FBRSL1: variants seen among roughly 807,000 people sequenced by gnomAD.
FBRSL1 encodes fibrosin-1-like protein.
FBRSL1 carries 51 observed loss-of-function variants against 89.6 expected under a neutral mutation model. The ratio of observed to expected loss-of-function variants is 0.57; its 90% confidence interval spans 0.45 to 0.72. The LOEUF is 0.72. FBRSL1 is among the 30% of genes least tolerant of loss of function. FBRSL1 has a pLI of 0.00. For synonymous variants in FBRSL1, 779 were observed against 681.1 expected (o/e 1.14, Z -2.24); for missense variants, 1,618 against 1,451.8 (o/e 1.11, Z -1.86).
chr12:132,572,616 G>T lies in FBRSL1; in HGVS notation c.1524G>T (p.Gln508His). Residue 508 changes from glutamine to histidine, a missense_variant, in exon 11 of 19, where the codon CAG becomes CAT. By Grantham distance (24) the Gln-to-His change is conservative. Transcript: ENST00000680143. ...GPFGSLQGAF[Q>H]PKTSSPIEVA... ...TCGGGTCCCTGCAGGGCGCTTTTCAGCCTAAGGTACCGCTGCCCCTGGCAG... is the reference window on the plus strand; with the variant it reads ...TCGGGTCCCTGCAGGGCGCTTTTCATCCTAAGGTACCGCTGCCCCTGGCAG... 6.5e-7 allele frequency: 1 copy of T among 1,549,830 alleles called. No homozygotes were observed. Among genetic ancestry groups the T allele is most frequent in the Non-Finnish European group, 8.7e-7 (1 of 1,146,380 alleles).
At chr12:132,556,505 CCT>C (rs1311836067) in intron 5 of FBRSL1, among the ~76,000 whole-genome samples, 1 of 125,274 alleles carries the variant, frequency 8.0e-6, no homozygotes, top group East Asian at 2.1e-4. Flanking sequence ...CACCCCAACC[CCT>C]GTCCTGTGGG....
chr12:132,570,132 C>A lies in FBRSL1; in HGVS notation c.898C>A (p.Gln300Lys), dbSNP rs1375689970. Reference sequence around the variant, plus strand: ...CCCCGCCCCGCACCGCCACACCCCGCAGCCGCCACCCCCGCAGCCCCGCGG... The same window carrying A: ...CCCCGCCCCGCACCGCCACACCCCGAAGCCGCCACCCCCGCAGCCCCGCGG... ...EPPAPHRHTPQPPPPQPRGLL... is the reference protein window; with the variant it reads ...EPPAPHRHTPKPPPPQPRGLL... Residue 300 changes from glutamine to lysine, a missense_variant, in exon 7 of 19, where the codon CAG becomes AAG. By Grantham distance (53) the Gln-to-Lys change is moderately conservative. Transcript: ENST00000680143. The A allele has an allele frequency of 2.0e-6, 3 of 1,477,772 alleles. No individual in the cohort carries two copies. The African/African-American group carries it at 4.4e-5, about 22-fold the overall frequency. The allele number at this position is 1,477,772 out of a possible 1,614,324, so 91.5% of individuals were successfully genotyped here. A position where few individuals can be genotyped will look rare whatever the true frequency, so the allele number is the denominator to read the frequency against.
At chr12:132,528,433 C>T (rs1052054719) in intron 4 of FBRSL1, among the ~76,000 whole-genome samples, 1 of 152,168 alleles carries the variant, frequency 6.6e-6, no homozygotes, top group African/African-American at 2.4e-5. Flanking sequence ...CCTCCAATGC[C>T]CTGACCGGCA....
intron 4 of FBRSL1, among the ~76,000 whole-genome samples, chr12:132,545,044 G>C (rs2037570261): frequency 1.3e-5 from 2 of 152,164 alleles, no homozygotes; most frequent in Admixed American, 6.6e-5. Context: ...CTGAGACACA[G>C]AGAGCTCAGG....
At chr12:132,580,373 C>G (rs781727103) in intron 15 of FBRSL1, among the ~76,000 whole-genome samples, 5 of 152,238 alleles carry the variant, frequency 3.3e-5, no homozygotes, top group Non-Finnish European at 7.3e-5. Flanking sequence ...CAGGCGTGAG[C>G]CACTGCGCCC....
intron 2 of FBRSL1, chr12:132,511,763 C>T (rs567249729): frequency 4.1e-6 from 4 of 985,346 alleles, no homozygotes; most frequent in South Asian, 9.4e-5. Flanking sequence ...GAGGACCCCA[C>T]CCCCGCAGGC....
chr12:132,576,955 G>A lies in FBRSL1; in HGVS notation c.1834+24G>A, dbSNP rs1384394610. 15 of 1,540,072 alleles carry A rather than the reference G, an allele frequency of 9.7e-6. No individual in the cohort carries two copies. The East Asian group carries it at 9.9e-5, about 10-fold the overall frequency. On this transcript the variant is annotated intron_variant, in intron 15 of 18. Transcript: ENST00000680143. ...AGGTGAGACTGGAGTCGGGCCAGGT[G>A]GGGGGCACAGAAACCTCCCGCTCGT...
At chr12:132,542,585 A>T (rs1026965412) in intron 4 of FBRSL1, among the ~76,000 whole-genome samples, 1 of 152,162 alleles carries the variant, frequency 6.6e-6, no homozygotes, top group Non-Finnish European at 1.5e-5. Flanking sequence ...CACTGGGCCC[A>T]GACAGCTCTC....
intron 2 of FBRSL1, among the ~76,000 whole-genome samples, chr12:132,518,209 T>C: frequency 6.6e-6 from 1 of 152,192 alleles, no homozygotes; most frequent in East Asian, 1.9e-4. Context: ...TCATCTGTAG[T>C]GTATCTCATC....
rs1252428567 is a variant in FBRSL1 at position 132,583,848 on chromosome 12, C to G, written c.*70C>G. ...CGTCTCTCCATCAGTTCCTAGAACTCAAGCACAGCTCCCGCCGATCCTGGG... is the reference window on the plus strand; with the variant it reads ...CGTCTCTCCATCAGTTCCTAGAACTGAAGCACAGCTCCCGCCGATCCTGGG... On this transcript the variant is annotated 3_prime_UTR_variant, in exon 19 of 19. Coordinates refer to ENST00000680143, the MANE Select transcript of FBRSL1 (RefSeq NM_001367871.1). 2 of 941,128 alleles carry G rather than the reference C, an allele frequency of 2.1e-6. No homozygotes were observed. The highest frequency in any genetic ancestry group is 1.7e-5 in the African/African-American group (1 of 57,192). The allele number at this position is 941,128 out of a possible 1,614,324, so 58.3% of individuals were successfully genotyped here.
chr12:132,561,981 C>T (rs1037442492), intron 5 of FBRSL1, among the ~76,000 whole-genome samples: 13 of 152,088 alleles, frequency 8.5e-5, no homozygotes, highest in Admixed American at 5.2e-4. Flanking sequence ...AAGGAGGTGC[C>T]GAGGCCTTTC....
chr12:132,537,947 G>A (rs773056519), intron 4 of FBRSL1, among the ~76,000 whole-genome samples: 8 of 152,208 alleles, frequency 5.3e-5, no homozygotes, highest in Non-Finnish European at 8.8e-5. Flanking sequence ...GTGTGCAGGC[G>A]CAGTGGCCAC....
rs942505374 is a variant in FBRSL1 at position 132,570,081 on chromosome 12, G to A, written c.847G>A (p.Ala283Thr). The A allele has an allele frequency of 8.7e-6, 13 of 1,488,010 alleles. No individual in the cohort carries two copies. The highest frequency in any genetic ancestry group is 2.0e-4 in the Middle Eastern group (1 of 5,052). 92.2% of individuals were successfully genotyped at this position (1,488,010 alleles called of 1,614,324 possible). ...CCCGGGGCCCCCGCCCGGCTCCCGC[G>A]CCAATCCCTTGGTGAAGAAGGAACC... is the stretch of plus-strand genomic sequence containing the variant. ...PCPGPPPGSR[A>T]NPLVKKEPPA... The change falls in exon 7 of 19, where the codon GCC (alanine) becomes ACC (threonine). Residue 283 changes from alanine to threonine, a missense_variant. Coordinates refer to ENST00000680143, the MANE Select transcript of FBRSL1 (RefSeq NM_001367871.1).
intron 5 of FBRSL1, chr12:132,565,660 T>TGAGTGTGTGTACGTGCCC (rs2039562919): frequency 6.6e-6 from 1 of 152,274 alleles, no homozygotes; most frequent in African/African-American, 2.4e-5. Context: ...TGTACGTGCC[T>TGAGTGTGTGTACGTGCCC]GAGTGTGTGT....
At chr12:132,515,899 CAA>C (rs60767937) in intron 2 of FBRSL1, among the ~76,000 whole-genome samples, 98 of 65,598 alleles carry the variant, frequency 1.5e-3, no homozygotes, top group African/African-American at 4.0e-3. Context: ...GACTCCGTCT[CAA>C]AAAAAAAAAA....
rs80032888 is a variant in FBRSL1, at chr12:132,576,974, C to T, written c.1834+43C>T. The T allele has an allele frequency of 2.9e-3, 4,470 of 1,529,342 alleles. 81 individuals are homozygous for T. The African/African-American group carries it at 0.048, about 16-fold the overall frequency. The allele number at this position is 1,529,342 out of a possible 1,614,324, so 94.7% of individuals were successfully genotyped here. ...CCAGGTGGGGGGCACAGAAACCTCC[C>T]GCTCGTGCCCAGCTGAGCCTGCCTT... On this transcript the variant is annotated intron_variant, in intron 15 of 18. Coordinates refer to ENST00000680143, the MANE Select transcript of FBRSL1 (RefSeq NM_001367871.1).
chr12:132,497,057 A>T (rs1211904158), intron 1 of FBRSL1, among the ~76,000 whole-genome samples: 1 of 152,174 alleles, frequency 6.6e-6, no homozygotes, highest in Admixed American at 6.5e-5. Context: ...GATTTTTGCC[A>T]CCCTGTTTCT....
intron 4 of FBRSL1, among the ~76,000 whole-genome samples, chr12:132,544,505 G>A (rs1454774834): frequency 6.6e-6 from 1 of 152,216 alleles, no homozygotes; most frequent in African/African-American, 2.4e-5. Context: ...CAGGGTAAAT[G>A]GCATCTTCTC....
intron 1 of FBRSL1, among the ~76,000 whole-genome samples, chr12:132,496,948 G>C (rs907402590): frequency 2.0e-5 from 3 of 152,102 alleles, no homozygotes; most frequent in Admixed American, 6.6e-5. Flanking sequence ...CAGGCCCTGC[G>C]GTGTCCTGTG....
Sources: gnomAD v4.1 joint callset for allele counts (sites outside exome capture counted in the v4.1 genomes callset) on GRCh38, gnomAD v4.1.1 for gene constraint, MANE v1.5 for transcripts, NCBI Gene and HGNC (gene_info 2026-07-23, HGNC 2026-07-21) for gene names.